The following YARS1 variants were observed in gnomAD, a reference collection of about 807,000 sequenced individuals.
The protein encoded by YARS1 is tyrosyl-tRNA synthetase 1.
YARS1 carries 36 observed loss-of-function variants against 62.2 expected under a neutral mutation model. The observed-to-expected ratio is 0.58, with a 90% CI of 0.44 to 0.76. YARS1 has a LOEUF of 0.76. YARS1 is among the 30% of genes least tolerant of loss of function. The pLI is 0.00. For synonymous variants in YARS1, 234 were observed against 244.9 expected, an observed-to-expected ratio of 0.96 and a Z score of 0.42; for missense variants, 524 against 639.8, an observed-to-expected ratio of 0.82 and a Z score of 1.95.
chr1:32,794,176 C>G (rs1340254549), intron 5 of YARS1, among the ~76,000 whole-genome samples: 2 of 151,964 alleles, frequency 1.3e-5, no homozygotes, highest in Non-Finnish European at 2.9e-5. Flanking sequence ...ATGGTGAAAC[C>G]CCATCTCTAC....
chr1:32,791,101 G>T, intron 6 of YARS1, 61 bp downstream of exon 6: 1 of 1,445,012 alleles, frequency 6.9e-7, no homozygotes, highest in Non-Finnish European at 9.7e-7. Context: ...GTTCTTTTCA[G>T]TCCTCAATCT....
intron 3 of YARS1, 95 bp downstream of exon 3, chr1:32,810,496 T>C: frequency 6.6e-7 from 1 of 1,521,916 alleles, no homozygotes; most frequent in South Asian, 1.1e-5. Flanking sequence ...GCCAGACAGC[T>C]TCTAATCTAA....
chr1:32,782,298 A>G, intron 9 of YARS1, 106 bp downstream of exon 9: 1 of 1,590,980 alleles, frequency 6.3e-7, no homozygotes, highest in Non-Finnish European at 8.6e-7. Flanking sequence ...CCTGCACTTC[A>G]GACCCCCTGG....
At chr1:32,812,357 C>T (rs532158731) in intron 1 of YARS1, among the ~76,000 whole-genome samples, 1 of 152,216 alleles carries the variant, frequency 6.6e-6, no homozygotes, top group Non-Finnish European at 1.5e-5. Context: ...AACATTAAAA[C>T]ACAGATAGTA....
At chr1:32,809,443 C>T (rs1268788631) in intron 3 of YARS1, among the ~76,000 whole-genome samples, 1 of 151,898 alleles carries the variant, frequency 6.6e-6, no homozygotes, top group Non-Finnish European at 1.5e-5. Flanking sequence ...GCCATGTTGG[C>T]CAGGGCAGTC....
chr1:32,786,694 G>T, intron 7 of YARS1: 1 of 694,218 alleles, frequency 1.4e-6, no homozygotes, highest in Non-Finnish European at 2.4e-6. Flanking sequence ...CAACATGTCT[G>T]CCCCCACCCT....
intron 4 of YARS1, among the ~76,000 whole-genome samples, chr1:32,801,942 CTTTTTTT>C (rs34270752): frequency 1.9e-3 from 196 of 103,894 alleles, no homozygotes; most frequent in African/African-American, 2.3e-3. Context: ...CTTGTTATTT[CTTTTTTT>C]TTTTTTTTTT....
Position 32,787,056 on chromosome 1 carries a change from A to G in YARS1, c.704T>C (p.Leu235Pro). 1 of 1,614,196 alleles carries G rather than the reference A, an allele frequency of 6.2e-7. No homozygotes were observed. Among genetic ancestry groups the G allele is most frequent in the Non-Finnish European group, 8.5e-7 (1 of 1,180,032 alleles). ...SSEEESKIDL[L>P]DRKEDVKKKL... is the part of the protein sequence containing the mutation. ...TTTCTTCACATCCTCCTTCCGATCAAGGAGATCAATCTTGGACTCCTAGAA... is the reference window on the plus strand; with the variant it reads ...TTTCTTCACATCCTCCTTCCGATCAGGGAGATCAATCTTGGACTCCTAGAA... The change falls in exon 7 of 13, where the codon CTT (leucine) becomes CCT (proline). Residue 235 changes from leucine (L) to proline (P), a missense_variant. Coordinates refer to ENST00000373477, the MANE Select transcript of YARS1 (RefSeq NM_003680.4).
At position 32,776,505 on chromosome 1, in the gene YARS1, T is replaced by A. The variant is rs1403657356; in HGVS notation, c.1477-414A>T. Among the ~76,000 whole-genome samples the A allele has an allele frequency of 6.6e-6, 1 of 152,162 alleles. No individual in the cohort carries two copies. The highest frequency in any genetic ancestry group is 6.5e-5 in the Admixed American group (1 of 15,276). ...AAGCTGGCTCAGCTTTTCTAAGAAA[T>A]GTTTGTCAAAAGCTTTCACATTCAT... On this transcript the variant is annotated intron_variant, in intron 12 of 12. Transcript: ENST00000373477. This position sits in a 1 kb window ranked among gnomAD's most constrained non-coding sequence, Gnocchi z 4.0.
At chr1:32,800,965 T>A (rs1638273925) in intron 4 of YARS1, among the ~76,000 whole-genome samples, 1 of 152,182 alleles carries the variant, frequency 6.6e-6, no homozygotes, top group South Asian at 2.1e-4. Context: ...ATGTATTTGT[T>A]TTAACAGAAA....
At chr1:32,805,683 C>A (rs998057611) in intron 4 of YARS1, among the ~76,000 whole-genome samples, 2 of 151,556 alleles carry the variant, frequency 1.3e-5, no homozygotes, top group Non-Finnish European at 2.9e-5. Flanking sequence ...GATGTGCGGC[C>A]GGGCACGGTA....
intron 6 of YARS1, among the ~76,000 whole-genome samples, chr1:32,788,253 T>TA (rs1487077524): frequency 6.6e-6 from 1 of 152,166 alleles, no homozygotes; most frequent in Non-Finnish European, 1.5e-5. Context: ...GGTCCTTACT[T>TA]ACAATTTTTT....
rs180881898 is a variant in YARS1, at chr1:32,775,684, T to C, written c.*297A>G. On this transcript the variant is annotated 3_prime_UTR_variant, in exon 13 of 13. Transcript: ENST00000373477. ...CCAATTATAAGGACTGTGGCATAAA[T>C]TTTTAAATGAGTTATATTGAAACCA... The C allele has an allele frequency of 2.2e-6, 1 of 444,814 alleles. No homozygotes were observed. Among genetic ancestry groups the C allele is most frequent in the Non-Finnish European group, 4.1e-6 (1 of 243,962 alleles). 27.6% of individuals were successfully genotyped at this position (444,814 alleles called of 1,614,324 possible).
At chr1:32,790,253 A>C (rs1653372674) in intron 6 of YARS1, among the ~76,000 whole-genome samples, 1 of 144,386 alleles carries the variant, frequency 6.9e-6, no homozygotes, top group South Asian at 2.2e-4. Flanking sequence ...TCACGCCTAT[A>C]ATCCCAGCAC....
intron 3 of YARS1, among the ~76,000 whole-genome samples, chr1:32,810,106 C>CAAA (rs11381151): frequency 4.1e-5 from 5 of 121,554 alleles, no homozygotes; most frequent in African/African-American, 7.3e-5. Flanking sequence ...AACTCCACCT[C>CAAA]AAAAAAAAAA....
chr1:32,815,776 T>C (rs1298967085), intron 1 of YARS1, among the ~76,000 whole-genome samples: 1 of 152,146 alleles, frequency 6.6e-6, no homozygotes, highest in Non-Finnish European at 1.5e-5. Context: ...TAGTGGGTAA[T>C]AGGTAGCGTC....
chr1:32,778,435 G>C (rs1015421283), intron 12 of YARS1, among the ~76,000 whole-genome samples: 16 of 149,768 alleles, frequency 1.1e-4, no homozygotes, highest in Admixed American at 7.3e-4. Flanking sequence ...TTGAGACAGA[G>C]TCTCACTCTG....
chr1:32,793,565 G>A (rs909410098), intron 5 of YARS1, among the ~76,000 whole-genome samples: 2 of 152,096 alleles, frequency 1.3e-5, no homozygotes, highest in African/African-American at 4.8e-5. Flanking sequence ...GATCATCTGA[G>A]CCCAGGAAGT....
At chr1:32,778,705 C>G (rs1178380333) in intron 12 of YARS1, among the ~76,000 whole-genome samples, 1 of 146,566 alleles carries the variant, frequency 6.8e-6, no homozygotes, top group East Asian at 2.1e-4. Context: ...CCACGCCCGG[C>G]CAATCCTGGC....
Sources: gnomAD v4.1 joint callset for allele counts (sites outside exome capture counted in the v4.1 genomes callset) on GRCh38, gnomAD v4.1.1 for gene constraint, Gnocchi (gnomAD v3.1) non-coding constraint, MANE v1.5 for transcripts, NCBI Gene and HGNC (gene_info 2026-07-23, HGNC 2026-07-21) for gene names.